Variants in ADGRL2 observed in about 807,000 individuals in gnomAD.
ADGRL2 encodes the protein calcium-independent alpha-latrotoxin receptor 2.
A neutral mutation model predicts 157.4 loss-of-function variants in ADGRL2; 44 were observed. The ratio of observed to expected loss-of-function variants is 0.28; its 90% CI spans 0.22 to 0.36. The LOEUF is 0.36. Ranked by LOEUF, ADGRL2 falls within the 10% of genes least tolerant of loss-of-function variation. The pLI is 1.00. For synonymous variants in ADGRL2, 585 were observed against 624.7 expected (o/e 0.94, Z 0.95); for missense variants, 1,510 against 1,768.9 (o/e 0.85, Z 2.63).
rs370916970 is a variant in ADGRL2 at position 81,720,179 on chromosome 1, C to CTTTTTTTTTT, written c.-143+20375_-143+20376insTTTTTTTTTT. Among the ~76,000 whole-genome samples, 41 of 138,862 alleles carry CTTTTTTTTTT rather than the reference C, an allele frequency of 3.0e-4. 1 individual carries two copies. Among genetic ancestry groups the CTTTTTTTTTT allele is most frequent in the South Asian group, 7.1e-4 (3 of 4,216 alleles). The allele number at this position is 138,862 out of a possible 152,430, so 91.1% of individuals were successfully genotyped here. On this transcript the variant is annotated intron_variant, in intron 1 of 20. Coordinates refer to the ADGRL2 transcript ENST00000359929. ...TGAAATTAAAAGCATTCCTTTTTTT[C>CTTTTTTTTTT]TTTTCTTTTTTTTTTTTTTTTGAGA...
In ADGRL2 at chr1:81,889,130, G is replaced by A. The variant is rs149003345; in HGVS notation, c.74-17887G>A. On this transcript the variant is annotated intron_variant, in intron 2 of 23. Coordinates refer to ENST00000686636, the MANE Select transcript of ADGRL2 (RefSeq NM_001366006.2). ...ATTAACCAATTAATAATCCTACAAC[G>A]GCCTATATATGTTCAAGTGAAATGA... Among the ~76,000 whole-genome samples, 106 of 152,074 alleles carry A rather than the reference G, an allele frequency of 7.0e-4. 3 individuals carry two copies. In the East Asian group the frequency reaches 0.014, roughly 20 times the overall value.
At chr1:81,308,830 G>A (rs193111730) in intron 1 of ADGRL2, among the ~76,000 whole-genome samples, 1 of 152,066 alleles carries the variant, frequency 6.6e-6, no homozygotes, top group African/African-American at 2.4e-5. Flanking sequence ...AACTCCCTTG[G>A]GTTTCTTTTG....
chr1:81,638,586 G>A (rs950469761), intron 3 of ADGRL2, among the ~76,000 whole-genome samples: 7 of 152,062 alleles, frequency 4.6e-5, no homozygotes, highest in Non-Finnish European at 7.4e-5. Flanking sequence ...CCCTAGAAAT[G>A]ACATAATGTT....
intron 1 of ADGRL2, among the ~76,000 whole-genome samples, chr1:81,353,505 A>T (rs1462018903): frequency 2.6e-5 from 4 of 152,196 alleles, no homozygotes; most frequent in Non-Finnish European, 5.9e-5. Flanking sequence ...GCTGCAAATG[A>T]GAATTTCAGG....
At chr1:81,521,514 T>C (rs2079314163) in intron 2 of ADGRL2, among the ~76,000 whole-genome samples, 1 of 152,172 alleles carries the variant, frequency 6.6e-6, no homozygotes, top group Non-Finnish European at 1.5e-5. Flanking sequence ...CATTTTGTAA[T>C]AAAAATATCT....
intron 3 of ADGRL2, among the ~76,000 whole-genome samples, chr1:81,629,727 G>A (rs1305579731): frequency 1.3e-5 from 2 of 151,322 alleles, no homozygotes; most frequent in African/African-American, 4.9e-5. Flanking sequence ...ATATGTATGT[G>A]CATGCATGTA....
intron 2 of ADGRL2, among the ~76,000 whole-genome samples, chr1:81,470,852 A>G (rs2078157059): frequency 6.6e-6 from 1 of 152,226 alleles, no homozygotes; most frequent in Non-Finnish European, 1.5e-5. Flanking sequence ...GAAGAATACA[A>G]TTATTTTTAA....
At chr1:81,627,059 A>G (rs1172037549) in intron 3 of ADGRL2, among the ~76,000 whole-genome samples, 1 of 152,032 alleles carries the variant, frequency 6.6e-6, no homozygotes, top group Non-Finnish European at 1.5e-5. Context: ...TTTTTGTAGT[A>G]CCCCTAGTAA....
intron 1 of ADGRL2, among the ~76,000 whole-genome samples, chr1:81,425,351 G>A (rs554375920): frequency 1.3e-5 from 2 of 151,954 alleles, no homozygotes; most frequent in South Asian, 4.2e-4. Context: ...GTACCGTCTT[G>A]TAGCTAACTG....
intron 2 of ADGRL2, among the ~76,000 whole-genome samples, chr1:81,766,545 A>T (rs1316829466): frequency 6.6e-6 from 1 of 152,202 alleles, no homozygotes; most frequent in Non-Finnish European, 1.5e-5. Flanking sequence ...TGTAAGAAAT[A>T]CAGGGCTGGG....
intron 1 of ADGRL2, among the ~76,000 whole-genome samples, chr1:81,703,695 G>T (rs2083644722): frequency 6.6e-6 from 1 of 152,176 alleles, no homozygotes; most frequent in Non-Finnish European, 1.5e-5. Flanking sequence ...GTAAAAAAAT[G>T]TAAGGAGAAT....
In ADGRL2 at chr1:81,456,293, C is replaced by T. The variant is rs114593342; in HGVS notation, c.-248+11204C>T. Among the ~76,000 whole-genome samples, 1,389 of 152,210 alleles carry T rather than the reference C, an allele frequency of 9.1e-3. 25 individuals are homozygous for T. The highest frequency in any genetic ancestry group is 0.032 in the African/African-American group (1,319 of 41,540). On this transcript the variant is annotated intron_variant, in intron 2 of 24. Transcript: ENST00000370721. ...GGAGTGCAGTGACATTATCATAGCT[C>T]ATTGTAGCCCCAACCTCCTGGGCTC...
chr1:81,346,934 G>T (rs1191705063), intron 1 of ADGRL2, among the ~76,000 whole-genome samples: 1 of 152,144 alleles, frequency 6.6e-6, no homozygotes, highest in Non-Finnish European at 1.5e-5. Flanking sequence ...AAAGAGTTTT[G>T]AGGTGCATGC....
intron 3 of ADGRL2, among the ~76,000 whole-genome samples, chr1:81,666,540 G>T (rs1462962186): frequency 6.6e-6 from 1 of 152,074 alleles, no homozygotes; most frequent in African/African-American, 2.4e-5. Flanking sequence ...TTGCCCGCAG[G>T]CATCTCTGTA....
At chr1:81,923,157 G>A (rs905155305) in intron 3 of ADGRL2, among the ~76,000 whole-genome samples, 3 of 152,062 alleles carry the variant, frequency 2.0e-5, no homozygotes, top group African/African-American at 7.2e-5. Flanking sequence ...TGTCAGCTTG[G>A]CACTTATTTC....
intron 1 of ADGRL2, among the ~76,000 whole-genome samples, chr1:81,730,662 G>T (rs1279269296): frequency 6.6e-6 from 1 of 151,988 alleles, no homozygotes; most frequent in Non-Finnish European, 1.5e-5. Flanking sequence ...GGCAGAAGCT[G>T]CAGTGAACCG....
At chr1:81,732,827 A>G (rs2084770235) in intron 1 of ADGRL2, among the ~76,000 whole-genome samples, 1 of 152,106 alleles carries the variant, frequency 6.6e-6, no homozygotes, top group African/African-American at 2.4e-5. Context: ...CTTTTATTTG[A>G]TTTTCCTAGG....
chr1:81,843,556 G>A (rs17107304), intron 2 of ADGRL2, among the ~76,000 whole-genome samples: 2,718 of 152,184 alleles, frequency 0.018, 74 homozygotes, highest in African/African-American at 0.062. Flanking sequence ...CATAGGTAGC[G>A]ATAATTCGGT....
At chr1:81,748,557 A>G (rs1402794103) in intron 1 of ADGRL2, among the ~76,000 whole-genome samples, 3 of 151,852 alleles carry the variant, frequency 2.0e-5, no homozygotes, top group Non-Finnish European at 4.4e-5. Context: ...TTATTTAAAT[A>G]GAGTCACTAT....
Sources: allele counts gnomAD v4.1 joint callset (sites outside exome capture counted in the v4.1 genomes callset), GRCh38; gene constraint gnomAD v4.1.1; transcripts MANE v1.5; gene names NCBI Gene and HGNC (gene_info 2026-07-23, HGNC 2026-07-21).